Variants in UNC13C observed in about 807,000 individuals in gnomAD.
UNC13C encodes the protein protein unc-13 homolog C.
Under a neutral mutation model 245.4 loss-of-function variants are expected in UNC13C, and 174 were observed. The ratio of observed to expected loss-of-function variants is 0.71; its 90% CI spans 0.63 to 0.80. The LOEUF is 0.80. Ranked by LOEUF, UNC13C falls within the 30% of genes least tolerant of loss-of-function variation. The pLI is 0.00. For missense variants in UNC13C, 2,829 were observed against 2,602.9 expected, an observed-to-expected ratio of 1.09 and a Z score of -1.89; for synonymous variants, 992 against 895.1, an observed-to-expected ratio of 1.11 and a Z score of -1.93.
the UNC13C span, among the ~76,000 whole-genome samples, chr15:53,939,225 C>G: frequency 6.6e-6 from 1 of 152,208 alleles, no homozygotes; most frequent in Non-Finnish European, 1.5e-5. Context: ...TGTACCTACA[C>G]TAGAAAATCT....
At chr15:53,980,971 T>C (rs184540558) in intron 1 of UNC13C, among the ~76,000 whole-genome samples, 202 of 152,286 alleles carry the variant, frequency 1.3e-3, no homozygotes, top group African/African-American at 4.5e-3. Context: ...TTGCAGTGAT[T>C]CCCCTTTTAA....
chr15:53,920,096 ATAAT>A, the UNC13C span, among the ~76,000 whole-genome samples: 47,347 of 151,776 alleles, frequency 0.31, 7,476 homozygotes, highest in Non-Finnish European at 0.33. Context: ...GATAATGTTC[ATAAT>A]TAATCATTTC....
chr15:54,193,803 C>A (rs1043591880), intron 4 of UNC13C, among the ~76,000 whole-genome samples: 2 of 152,112 alleles, frequency 1.3e-5, no homozygotes, highest in Non-Finnish European at 2.9e-5. Context: ...GCACTGATTG[C>A]CAAATGTACA....
At chr15:54,281,003 G>A (rs1489677029) in intron 10 of UNC13C, among the ~76,000 whole-genome samples, 3 of 151,788 alleles carry the variant, frequency 2.0e-5, no homozygotes, top group Non-Finnish European at 4.4e-5. Context: ...TTGCCATGTT[G>A]GCCAGGCTGT....
At chr15:54,363,757 T>G (rs2039291954) in intron 17 of UNC13C, among the ~76,000 whole-genome samples, 1 of 152,230 alleles carries the variant, frequency 6.6e-6, no homozygotes, top group South Asian at 2.1e-4. Context: ...CCTGATTTTC[T>G]CTTGCTAAAG....
chr15:54,290,055 C>G (rs2037256650), intron 10 of UNC13C, among the ~76,000 whole-genome samples: 1 of 152,074 alleles, frequency 6.6e-6, no homozygotes, highest in Admixed American at 6.6e-5. Context: ...ACTGAAATCT[C>G]CAGTTTCAAA....
At chr15:54,059,764 T>C (rs1269560360) in intron 2 of UNC13C, among the ~76,000 whole-genome samples, 2 of 152,022 alleles carry the variant, frequency 1.3e-5, no homozygotes, top group Non-Finnish European at 2.9e-5. Context: ...GGTACCAAAA[T>C]AGAGATATAG....
the UNC13C span, among the ~76,000 whole-genome samples, chr15:53,848,768 T>G: frequency 6.6e-6 from 1 of 152,188 alleles, no homozygotes; most frequent in African/African-American, 2.4e-5. Context: ...ATTATGGTTT[T>G]TAACTACTTC....
At chr15:53,929,843 C>T in the UNC13C span, among the ~76,000 whole-genome samples, 1 of 152,164 alleles carries the variant, frequency 6.6e-6, no homozygotes, top group Non-Finnish European at 1.5e-5. Context: ...ACTAAAGCAA[C>T]AGGCTAGAAT....
chr15:54,132,503 C>A (rs34743715), intron 2 of UNC13C, among the ~76,000 whole-genome samples: 55,833 of 152,006 alleles, frequency 0.37, 10,327 homozygotes, highest in Admixed American at 0.39. Flanking sequence ...CATACACCAT[C>A]CACAGGTACT....
chr15:53,943,087 G>A, the UNC13C span, among the ~76,000 whole-genome samples: 1 of 152,018 alleles, frequency 6.6e-6, no homozygotes, highest in Non-Finnish European at 1.5e-5. Flanking sequence ...TTAATCACTG[G>A]AATTGATTTG....
chr15:54,626,710 A>G, intron 32 of UNC13C, 118 bp from the exon 33 acceptor site: 1 of 924,128 alleles, frequency 1.1e-6, no homozygotes, highest in Non-Finnish European at 1.6e-6. Context: ...CTGATATCCT[A>G]TTTGCCAACA....
intron 19 of UNC13C, among the ~76,000 whole-genome samples, chr15:54,417,748 C>T (rs1417600977): frequency 6.6e-6 from 1 of 151,926 alleles, no homozygotes; most frequent in Non-Finnish European, 1.5e-5. Flanking sequence ...TTAACACAAG[C>T]CTGGCATATA....
intron 19 of UNC13C, among the ~76,000 whole-genome samples, chr15:54,487,766 CAAAAAAAAA>C (rs5812760): frequency 1.6e-5 from 1 of 62,768 alleles, no homozygotes; most frequent in Admixed American, 2.0e-4. Context: ...GATTCCATCT[CAAAAAAAAA>C]AAAAAAAAAA....
At chr15:54,057,832 G>C (rs1897608614) in intron 2 of UNC13C, among the ~76,000 whole-genome samples, 1 of 152,160 alleles carries the variant, frequency 6.6e-6, no homozygotes, top group South Asian at 2.1e-4. Flanking sequence ...CAACTACATG[G>C]AAACTGAACA....
At chr15:54,463,969 A>T (rs966117173) in intron 19 of UNC13C, among the ~76,000 whole-genome samples, 1 of 152,216 alleles carries the variant, frequency 6.6e-6, no homozygotes, top group Non-Finnish European at 1.5e-5. Flanking sequence ...AAGGTCATCT[A>T]CATAGTTATT....
intron 19 of UNC13C, among the ~76,000 whole-genome samples, chr15:54,468,631 G>A (rs994361924): frequency 4.0e-5 from 6 of 151,604 alleles, no homozygotes; most frequent in African/African-American, 1.5e-4. Flanking sequence ...TGTATAAGGG[G>A]TGAGTTAAGG....
intron 29 of UNC13C, among the ~76,000 whole-genome samples, chr15:54,566,990 A>C (rs912361786): frequency 1.6e-4 from 24 of 152,140 alleles, no homozygotes; most frequent in Non-Finnish European, 3.4e-4. Context: ...AGAATGTTAT[A>C]AATCTATTAT....
At chr15:54,149,154 T>G (rs995218097) in intron 4 of UNC13C, among the ~76,000 whole-genome samples, 7 of 152,132 alleles carry the variant, frequency 4.6e-5, no homozygotes, top group Admixed American at 1.3e-4. Context: ...TTTCTTCCCC[T>G]TTGGCTTCTA....
Sources: gnomAD v4.1 joint callset for allele counts (sites outside exome capture counted in the v4.1 genomes callset) on GRCh38, gnomAD v4.1.1 for gene constraint, MANE v1.5 for transcripts, NCBI Gene and HGNC (gene_info 2026-07-23, HGNC 2026-07-21) for gene names.